HS2ST1: variants seen among roughly 807,000 people sequenced by gnomAD.
HS2ST1 encodes the protein heparan sulfate 2-O-sulfotransferase 1.
A neutral mutation model predicts 42.9 loss-of-function variants in HS2ST1; 18 were observed. The ratio of observed to expected loss-of-function variants is 0.42; its 90% confidence interval spans 0.29 to 0.62. HS2ST1 has a LOEUF of 0.62. Among genes scored for constraint, HS2ST1 ranks in the 20% least tolerant of loss-of-function variants. The pLI, the probability that HS2ST1 is intolerant of heterozygous loss-of-function variation, is 0.21. For missense variants in HS2ST1, 334 were observed against 433.8 expected, an observed-to-expected ratio of 0.77 and a Z score of 2.04; for synonymous variants, 146 against 152.9, an observed-to-expected ratio of 0.95 and a Z score of 0.33.
Position 86,936,962 on chromosome 1 carries a change from G to A in HS2ST1, c.124+21802G>A, listed in dbSNP as rs1019742761. ...AAAAAAAAAAAAAAAAAAATTAGCC[G>A]GGCATGGTGTTGCATGCCTGTAGTC... is the stretch of plus-strand genomic sequence containing the variant. On this transcript the variant is annotated intron_variant, in intron 1 of 6. Coordinates refer to ENST00000370550, the MANE Select transcript of HS2ST1 (RefSeq NM_012262.4). Among the ~76,000 whole-genome samples, 6 of 149,592 alleles carry A rather than the reference G, an allele frequency of 4.0e-5. No homozygotes were observed. The South Asian group carries it at 6.4e-4, about 16-fold the overall frequency.
intron 3 of HS2ST1, among the ~76,000 whole-genome samples, chr1:87,086,356 AT>A (rs1651815121): frequency 6.6e-6 from 1 of 152,142 alleles, no homozygotes; most frequent in Non-Finnish European, 1.5e-5. Context: ...GTTGAAAAAA[AT>A]CTATGTATGC....
In HS2ST1 at chr1:87,043,089, T is replaced by C. The variant is rs550975686; in HGVS notation, c.125-29845T>C. On this transcript the variant is annotated intron_variant, in intron 1 of 6. Coordinates refer to ENST00000370550, the MANE Select transcript of HS2ST1 (RefSeq NM_012262.4). The stretch of plus-strand genomic sequence containing the variant: ...ACACATCTGGTATAGGAGACACTTA[T>C]AACAAATCTTTCTATGTAGAGAACC... 5.9e-5 allele frequency among the ~76,000 whole-genome samples: 9 copies of C among 152,244 alleles called. No homozygotes were observed. In the East Asian group the frequency reaches 1.4e-3, roughly 23 times the overall value.
chr1:86,940,157 A>G lies in HS2ST1; in HGVS notation c.124+24997A>G, dbSNP rs190195075. On this transcript the variant is annotated intron_variant, in intron 1 of 6. Transcript: ENST00000370550. ...GGTGGGAGGACTGTGTGAGGTCAGG[A>G]GTTCAAAAGTTCAAGACCAGCCTGG... is the stretch of plus-strand genomic sequence containing the variant. Among the ~76,000 whole-genome samples, 13 of 152,204 alleles carry G rather than the reference A, an allele frequency of 8.5e-5. No individual in the cohort carries two copies. The East Asian group carries it at 2.5e-3, about 29-fold the overall frequency.
intron 1 of HS2ST1, chr1:87,064,641 G>A: frequency 2.3e-6 from 1 of 425,594 alleles, no homozygotes; most frequent in Non-Finnish European, 4.6e-6. Flanking sequence ...TGGTGATTGT[G>A]CTCAGGGAGA....
At chr1:86,950,365 T>C (rs1381926958) in intron 1 of HS2ST1, among the ~76,000 whole-genome samples, 1 of 124,270 alleles carries the variant, frequency 8.0e-6, no homozygotes, top group Non-Finnish European at 1.7e-5. Context: ...GATAGATAGG[T>C]AGGTAGGTAG....
intron 1 of HS2ST1, among the ~76,000 whole-genome samples, chr1:86,930,934 T>C (rs1341851126): frequency 6.6e-6 from 1 of 152,044 alleles, no homozygotes; most frequent in Non-Finnish European, 1.5e-5. Flanking sequence ...TGGGCATTTA[T>C]AGTATGTTGT....
intron 1 of HS2ST1, among the ~76,000 whole-genome samples, chr1:86,975,380 G>A (rs1648368256): frequency 6.6e-6 from 1 of 151,566 alleles, no homozygotes; most frequent in South Asian, 2.1e-4. Flanking sequence ...CATAAAAAAA[G>A]GCACCTTAAT....
At chr1:87,084,830 C>T (rs1651779709) in intron 3 of HS2ST1, among the ~76,000 whole-genome samples, 1 of 148,538 alleles carries the variant, frequency 6.7e-6, no homozygotes, top group African/African-American at 2.6e-5. Flanking sequence ...CTCTCTCTCC[C>T]TCCCTGTCAC....
rs549497586 is a variant in HS2ST1, at chr1:87,084,360, T to C, written c.449+81T>C. ...AAGGAATAAATTCATTAAATTGTTATGATTTTCTAATAAAAGAATGTACTG... is the reference window on the plus strand; with the variant it reads ...AAGGAATAAATTCATTAAATTGTTACGATTTTCTAATAAAAGAATGTACTG... On this transcript the variant is annotated intron_variant, in intron 3 of 6. Transcript: ENST00000370550. The C allele has an allele frequency of 2.7e-4, 219 of 799,536 alleles. 4 individuals carry two copies. In the South Asian group the frequency reaches 4.0e-3, roughly 15 times the overall value. The allele number at this position is 799,536 out of a possible 1,614,324, so 49.5% of individuals were successfully genotyped here.
intron 1 of HS2ST1, chr1:87,045,066 T>G: frequency 1.8e-6 from 2 of 1,094,660 alleles, no homozygotes; most frequent in Non-Finnish European, 2.8e-6. Flanking sequence ...CTTTGAAGAA[T>G]CTTCTTCATC....
At chr1:87,039,041 A>G (rs1479397983) in intron 1 of HS2ST1, among the ~76,000 whole-genome samples, 1 of 152,212 alleles carries the variant, frequency 6.6e-6, no homozygotes, top group Non-Finnish European at 1.5e-5. Context: ...GAGCCAAATG[A>G]CAACTTTGGC....
chr1:87,071,329 A>G (rs893802734), intron 1 of HS2ST1, among the ~76,000 whole-genome samples: 1 of 152,220 alleles, frequency 6.6e-6, no homozygotes, highest in Non-Finnish European at 1.5e-5. Context: ...ATCTTACTTT[A>G]TTAAGTTGTC....
chr1:86,936,888 G>A (rs1377223057), intron 1 of HS2ST1, among the ~76,000 whole-genome samples: 16 of 149,652 alleles, frequency 1.1e-4, no homozygotes, highest in Admixed American at 1.1e-3. Flanking sequence ...GTGAGGTCAG[G>A]AGCTTGAGAC....
chr1:87,049,790 G>T (rs911548733), intron 1 of HS2ST1, among the ~76,000 whole-genome samples: 1 of 151,942 alleles, frequency 6.6e-6, no homozygotes. Context: ...TGATGATATT[G>T]TTCAAATTTG....
intron 1 of HS2ST1, among the ~76,000 whole-genome samples, chr1:86,992,644 G>A (rs1447220779): frequency 6.6e-6 from 1 of 152,188 alleles, no homozygotes; most frequent in Non-Finnish European, 1.5e-5. Context: ...TTACAGGCAT[G>A]AGCCACCGCA....
chr1:86,979,831 A>G lies in HS2ST1; in HGVS notation c.124+64671A>G, dbSNP rs149442819. Among the ~76,000 whole-genome samples, 45 of 152,326 alleles carry G rather than the reference A, an allele frequency of 3.0e-4. 1 individual carries two copies. In the East Asian group the frequency reaches 8.3e-3, roughly 28 times the overall value. ...AGTTTTACATTTCCACCAGTAATGC[A>G]CAAGGATTCCAGTTAATTCACATCC... On this transcript the variant is annotated intron_variant, in intron 1 of 6. Transcript: ENST00000370550.
intron 1 of HS2ST1, among the ~76,000 whole-genome samples, chr1:86,923,613 G>A (rs544947989): frequency 6.6e-6 from 1 of 152,290 alleles, no homozygotes; most frequent in South Asian, 2.1e-4. Context: ...AGCCAGGCTG[G>A]TCTTGATCTC....
At chr1:87,007,039 C>A (rs1045187738) in intron 1 of HS2ST1, among the ~76,000 whole-genome samples, 3 of 151,914 alleles carry the variant, frequency 2.0e-5, no homozygotes, top group African/African-American at 7.2e-5. Context: ...GAAGAAGGGT[C>A]AATTTTTTTT....
chr1:87,086,947 A>G (rs1651830907), intron 3 of HS2ST1, among the ~76,000 whole-genome samples: 1 of 152,002 alleles, frequency 6.6e-6, no homozygotes, highest in South Asian at 2.1e-4. Flanking sequence ...AAAATTTTCC[A>G]GTTTAAAATT....
Sources: allele counts gnomAD v4.1 joint callset (sites outside exome capture counted in the v4.1 genomes callset), GRCh38; gene constraint gnomAD v4.1.1; transcripts MANE v1.5; gene names NCBI Gene and HGNC (gene_info 2026-07-23, HGNC 2026-07-21).